The following UTY variants were observed in gnomAD, a reference collection of about 807,000 sequenced individuals.
The protein encoded by UTY is histone demethylase UTY.
Under a neutral mutation model 32.5 loss-of-function variants are expected in UTY, and 12 were observed. The observed-to-expected ratio is 0.37, with a 90% CI of 0.24 to 0.60. The LOEUF (loss-of-function observed/expected upper bound fraction) is 0.60, where lower values mean the gene tolerates loss of function less well. Ranked by LOEUF, UTY falls within the 20% of genes least tolerant of loss-of-function variation. The pLI is 0.69. For synonymous variants in UTY, 131 were observed against 103.4 expected (o/e 1.27, Z -1.62); for missense variants, 303 against 299.2 (o/e 1.01, Z -0.09).
intron 28 of UTY, among the ~76,000 whole-genome samples, chrY:13,252,618 T>C (rs2054312293): frequency 2.9e-5 from 1 of 34,149 alleles, no homozygotes; most frequent in Non-Finnish European, 7.3e-5. Flanking sequence ...ATGTTCATGA[T>C]GGCCATTACG....
intron 8 of UTY, among the ~76,000 whole-genome samples, chrY:13,380,000 T>C (rs1603445218): frequency 7.9e-5 from 1 of 12,717 alleles, no homozygotes; most frequent in Non-Finnish European, 1.7e-4. Context: ...TATATATATA[T>C]ACACACATCT....
intron 2 of UTY, among the ~76,000 whole-genome samples, chrY:13,474,298 CATGGT>C (rs2078830410): frequency 3.1e-5 from 1 of 32,014 alleles, no homozygotes; most frequent in Non-Finnish European, 7.6e-5. Flanking sequence ...ATGTTACTGC[CATGGT>C]AACTACAAAG....
intron 27 of UTY, among the ~76,000 whole-genome samples, chrY:13,274,307 T>A (rs2056527162): frequency 3.0e-5 from 1 of 32,944 alleles, no homozygotes; most frequent in Non-Finnish European, 7.4e-5. Flanking sequence ...TGTGTCCATG[T>A]GTTCTTACTG....
intron 8 of UTY, among the ~76,000 whole-genome samples, chrY:13,376,394 C>A: frequency 3.0e-5 from 1 of 33,545 alleles, no homozygotes; most frequent in Non-Finnish European, 7.4e-5. Flanking sequence ...TACTTGTGAT[C>A]CATTTTGAAT....
At chrY:13,473,565 GATAC>G (rs2078736487) in intron 2 of UTY, among the ~76,000 whole-genome samples, 2 of 33,004 alleles carry the variant, frequency 6.1e-5, no homozygotes, top group African/African-American at 2.4e-4. Context: ...GTACCTAAGG[GATAC>G]ACCCCCTGAA....
chrY:13,274,991 G>A, intron 27 of UTY, among the ~76,000 whole-genome samples: 1 of 32,059 alleles, frequency 3.1e-5, no homozygotes, highest in African/African-American at 1.2e-4. Context: ...ATTTGGGGTC[G>A]CATACAATAT....
chrY:13,415,890 C>T (rs937898703), intron 4 of UTY, among the ~76,000 whole-genome samples: 2 of 33,920 alleles, frequency 5.9e-5, no homozygotes, highest in African/African-American at 2.3e-4. Context: ...ACCTATGATG[C>T]TGTATTTTGA....
chrY:13,436,817 C>G, intron 4 of UTY, among the ~76,000 whole-genome samples: 1 of 32,549 alleles, frequency 3.1e-5, no homozygotes, highest in African/African-American at 1.2e-4. Context: ...TATATTGATT[C>G]CTGGTTAAAT....
rs2054134231 is a variant in UTY at position 13,251,206 on chromosome Y, TAAAC to T, written c.4138-23_4138-20del. ...CCTCCACCTATATTAAATAAATAAATAAACAAAAAGTATTGGACAGTGATATCTG... is the reference window on the plus strand; with the variant it reads ...CCTCCACCTATATTAAATAAATAAATAAAAAGTATTGGACAGTGATATCTG... On this transcript the variant is annotated intron_variant, in intron 28 of 29. Coordinates refer to ENST00000545955, the MANE Select transcript of UTY (RefSeq NM_001258249.2). 12 of 333,449 alleles carry T rather than the reference TAAAC, an allele frequency of 3.6e-5. No homozygotes were observed. Among genetic ancestry groups the T allele is most frequent in the Middle Eastern group, 8.4e-4 (1 of 1,186 alleles). 83.2% of individuals were successfully genotyped at this position (333,449 alleles called of 400,897 possible).
intron 5 of UTY, among the ~76,000 whole-genome samples, chrY:13,411,672 G>A: frequency 1.6e-4 from 5 of 32,078 alleles, no homozygotes; most frequent in Admixed American, 1.4e-3. Context: ...TTCATTTTTT[G>A]TACAGAGAGG....
At chrY:13,395,992 C>T in intron 7 of UTY, among the ~76,000 whole-genome samples, 1 of 27,605 alleles carries the variant, frequency 3.6e-5, no homozygotes, top group Non-Finnish European at 8.5e-5. Context: ...CTGCAATGTC[C>T]GCCTCCCGGG....
At chrY:13,358,038 T>A in intron 14 of UTY, 69 bp from the exon 15 acceptor site, 1 of 265,506 alleles carries the variant, frequency 3.8e-6, no homozygotes, top group Non-Finnish European at 5.9e-6. Context: ...TTATGACTAG[T>A]GAGAACCAAG....
intron 8 of UTY, among the ~76,000 whole-genome samples, chrY:13,384,099 T>C: frequency 2.9e-5 from 1 of 34,248 alleles, no homozygotes; most frequent in Non-Finnish European, 7.3e-5. Context: ...TTCTCTACAA[T>C]CTCTTTAAAG....
intron 4 of UTY, among the ~76,000 whole-genome samples, chrY:13,426,768 C>T (rs2149800262): frequency 3.1e-5 from 1 of 32,185 alleles, no homozygotes; most frequent in East Asian, 8.0e-4. Context: ...AAAAGTCTAT[C>T]CCAGAAAAAC....
At chrY:13,273,574 T>C (rs559333837) in intron 27 of UTY, among the ~76,000 whole-genome samples, 1 of 33,061 alleles carries the variant, frequency 3.0e-5, no homozygotes, top group Non-Finnish European at 7.5e-5. Flanking sequence ...TATCAATAAG[T>C]TGCAAAAAGT....
chrY:13,380,531 CAT>C, intron 8 of UTY, among the ~76,000 whole-genome samples: 1 of 32,246 alleles, frequency 3.1e-5, no homozygotes, highest in South Asian at 6.8e-4. Flanking sequence ...GAAAAAGAAA[CAT>C]AAAATATTTG....
At chrY:13,360,629 T>C in intron 10 of UTY, 101 bp from the exon 11 acceptor site, 1 of 167,185 alleles carries the variant, frequency 6.0e-6, no homozygotes, top group Non-Finnish European at 1.1e-5. Flanking sequence ...AGCATATGAG[T>C]ATGTGTGTAA....
chrY:13,429,901 G>C (rs2073802544), intron 4 of UTY, among the ~76,000 whole-genome samples: 1 of 33,622 alleles, frequency 3.0e-5, no homozygotes, highest in African/African-American at 1.2e-4. Context: ...TCTAACCCTA[G>C]CCCATAGGGC....
chrY:13,439,298 T>A (rs2074974504), intron 4 of UTY, among the ~76,000 whole-genome samples: 1 of 33,157 alleles, frequency 3.0e-5, no homozygotes. Flanking sequence ...TTACCCCATG[T>A]AAGAGGACTA....
Sources: allele counts gnomAD v4.1 joint callset (sites outside exome capture counted in the v4.1 genomes callset), GRCh38; gene constraint gnomAD v4.1.1; transcripts MANE v1.5; gene names NCBI Gene and HGNC (gene_info 2026-07-23, HGNC 2026-07-21).